CDH4: variants seen among roughly 807,000 people sequenced by gnomAD.
CDH4 encodes cadherin 4, also known as cadherin-4.
Under a neutral mutation model 86.0 loss-of-function variants are expected in CDH4, and 33 were observed. That is an observed-to-expected ratio of 0.38 (90% confidence interval 0.29 to 0.51). The LOEUF is 0.51. Ranked by LOEUF, CDH4 falls within the 20% of genes least tolerant of loss-of-function variation. The pLI is 0.86. For synonymous variants in CDH4, 555 were observed against 549.4 expected (o/e 1.01, Z -0.14); for missense variants, 1,114 against 1,307.4 (o/e 0.85, Z 2.28).
intron 3 of CDH4, among the ~76,000 whole-genome samples, chr20:61,760,803 G>C (rs541862500): frequency 6.6e-6 from 1 of 152,340 alleles, no homozygotes; most frequent in East Asian, 1.9e-4. Context: ...GGTGGTGCTC[G>C]TGGGGCAGGG....
chr20:61,475,790 T>C (rs2085532650), intron 2 of CDH4, among the ~76,000 whole-genome samples: 1 of 149,896 alleles, frequency 6.7e-6, no homozygotes, highest in South Asian at 2.2e-4. Flanking sequence ...AAAATATTCA[T>C]GTAATTGCTG....
At chr20:61,664,521 G>A (rs887439272) in intron 2 of CDH4, among the ~76,000 whole-genome samples, 35 of 152,204 alleles carry the variant, frequency 2.3e-4, no homozygotes, top group Non-Finnish European at 8.8e-5. Context: ...GCTGGGAGCC[G>A]GGCCCAGGAG....
At chr20:61,732,276 C>T (rs1273481446) in intron 2 of CDH4, among the ~76,000 whole-genome samples, 1 of 152,178 alleles carries the variant, frequency 6.6e-6, no homozygotes, top group Non-Finnish European at 1.5e-5. Flanking sequence ...TGTGATATTC[C>T]AAACCAACAC....
rs191185386 is a variant in CDH4, at chr20:61,540,711, G to A, written c.170-202852G>A. On this transcript the variant is annotated intron_variant, in intron 2 of 15. Coordinates refer to ENST00000614565, the MANE Select transcript of CDH4 (RefSeq NM_001794.5). ...TTTCTGTTTCTAAGATCTGACTTTAGGATGAAGTTTTCTAGAATCCAAGCA... is the reference window on the plus strand; with the variant it reads ...TTTCTGTTTCTAAGATCTGACTTTAAGATGAAGTTTTCTAGAATCCAAGCA... Among the ~76,000 whole-genome samples, 247 of 152,180 alleles carry A rather than the reference G, an allele frequency of 1.6e-3. 1 individual carries two copies. Among genetic ancestry groups the A allele is most frequent in the African/African-American group, 5.7e-3 (238 of 41,526 alleles).
rs942783898 is a variant in CDH4 at position 61,903,431 on chromosome 20, G to A, written c.1189-6991G>A. Among the ~76,000 whole-genome samples, 50 of 149,954 alleles carry A rather than the reference G, an allele frequency of 3.3e-4. 1 individual carries two copies. The highest frequency in any genetic ancestry group is 5.9e-5 in the Non-Finnish European group (4 of 67,818). On this transcript the variant is annotated intron_variant, in intron 8 of 15. Coordinates refer to ENST00000614565, the MANE Select transcript of CDH4 (RefSeq NM_001794.5). ...ATGATGGCGGGTGCTTGTAATCCCA[G>A]CTACTCACGAGGCTGAGGCAGAAGA...
At chr20:61,858,719 A>G (rs151232412) in intron 6 of CDH4, among the ~76,000 whole-genome samples, 75 of 152,202 alleles carry the variant, frequency 4.9e-4, no homozygotes, top group African/African-American at 1.6e-3. Context: ...CGTTCTCTGG[A>G]TGTACAGCCA....
intron 2 of CDH4, among the ~76,000 whole-genome samples, chr20:61,380,920 T>A (rs551825042): frequency 6.6e-6 from 1 of 152,346 alleles, no homozygotes; most frequent in Non-Finnish European, 1.5e-5. Flanking sequence ...GGGGAAGATG[T>A]GGGAAAATTT....
At chr20:61,732,269 GATA>G (rs1340728462) in intron 2 of CDH4, among the ~76,000 whole-genome samples, 2 of 152,200 alleles carry the variant, frequency 1.3e-5, no homozygotes, top group African/African-American at 4.8e-5. Flanking sequence ...TGAACACTGT[GATA>G]TTCCAAACCA....
At chr20:61,589,678 A>G (rs972620311) in intron 2 of CDH4, among the ~76,000 whole-genome samples, 20 of 152,262 alleles carry the variant, frequency 1.3e-4, no homozygotes, top group Non-Finnish European at 2.9e-5. Flanking sequence ...TCATATGTAT[A>G]TATGTGCCAT....
chr20:61,565,233 G>GTGGCGGTGCTCT lies in CDH4; in HGVS notation c.170-178327_170-178326insCGGTGCTCTTGG, dbSNP rs2086270711. ...GTGCTCTCGGTGGTAGGTGGTGGTG[G>GTGGCGGTGCTCT]TGGTGGTGGCGGTGCTCTTGGTGAT... On this transcript the variant is annotated intron_variant, in intron 2 of 15. Coordinates refer to ENST00000614565, the MANE Select transcript of CDH4 (RefSeq NM_001794.5). Among the ~76,000 whole-genome samples the GTGGCGGTGCTCT allele has an allele frequency of 1.1e-4, 5 of 46,760 alleles. 1 individual carries two copies. The highest frequency in any genetic ancestry group is 2.1e-4 in the Non-Finnish European group (5 of 24,296). 30.7% of individuals were successfully genotyped at this position (46,760 alleles called of 152,430 possible). A position where few individuals can be genotyped will look rare whatever the true frequency, so the allele number is the denominator to read the frequency against.
chr20:61,723,676 C>T (rs181101892), intron 2 of CDH4, among the ~76,000 whole-genome samples: 4 of 152,300 alleles, frequency 2.6e-5, no homozygotes, highest in East Asian at 1.9e-4. Flanking sequence ...CAGGGCTGTG[C>T]GGTGCAGAGA....
intron 2 of CDH4, among the ~76,000 whole-genome samples, chr20:61,297,758 C>T (rs548874939): frequency 3.3e-5 from 5 of 152,376 alleles, no homozygotes; most frequent in South Asian, 4.1e-4. Context: ...GACATTAGCG[C>T]GTGTCAGCCC....
intron 6 of CDH4, among the ~76,000 whole-genome samples, chr20:61,856,219 G>T (rs376153792): frequency 1.4e-3 from 212 of 152,348 alleles, no homozygotes; most frequent in African/African-American, 4.9e-3. Flanking sequence ...GGTAATGAAG[G>T]GTTTCAGATG....
intron 2 of CDH4, among the ~76,000 whole-genome samples, chr20:61,485,363 T>C (rs1213429860): frequency 6.6e-6 from 1 of 152,164 alleles, no homozygotes; most frequent in Non-Finnish European, 1.5e-5. Context: ...CATTCCCTAT[T>C]GTGAAAGCAT....
intron 3 of CDH4, among the ~76,000 whole-genome samples, chr20:61,762,231 C>A (rs1400088194): frequency 6.6e-6 from 1 of 152,214 alleles, no homozygotes; most frequent in Non-Finnish European, 1.5e-5. Context: ...AGTCACGAGG[C>A]ATGTTGGAAA....
Position 61,517,894 on chromosome 20 carries a change from C to T in CDH4, c.170-225669C>T, listed in dbSNP as rs919238596. Among the ~76,000 whole-genome samples the T allele has an allele frequency of 6.6e-6, 1 of 152,180 alleles. No homozygotes were observed. Among genetic ancestry groups the T allele is most frequent in the South Asian group, 2.1e-4 (1 of 4,828 alleles). On this transcript the variant is annotated intron_variant, in intron 2 of 15. Transcript: ENST00000614565. This position sits in a 1 kb window ranked among gnomAD's most constrained non-coding sequence, Gnocchi z 6.6. Reference sequence around the variant, plus strand: ...GCAGGTGCCTCACAAAACCCATATACCCCTCAGGGTCCCTCCCCCAAATGC... The same window carrying T: ...GCAGGTGCCTCACAAAACCCATATATCCCTCAGGGTCCCTCCCCCAAATGC...
At chr20:61,834,407 G>A (rs910230837) in intron 4 of CDH4, among the ~76,000 whole-genome samples, 19 of 152,290 alleles carry the variant, frequency 1.2e-4, no homozygotes, top group African/African-American at 4.6e-4. Context: ...CTCCAGCCCA[G>A]GCAGGGTCTA....
intron 2 of CDH4, among the ~76,000 whole-genome samples, chr20:61,400,327 A>G (rs1292598122): frequency 6.6e-6 from 1 of 152,166 alleles, no homozygotes; most frequent in East Asian, 1.9e-4. Context: ...AAACTGAAGT[A>G]TTCACTGGAA....
chr20:61,452,352 A>G (rs191989621), intron 2 of CDH4, among the ~76,000 whole-genome samples: 8 of 152,318 alleles, frequency 5.3e-5, no homozygotes, highest in Non-Finnish European at 1.0e-4. Flanking sequence ...TTGATAGAGA[A>G]GAAAAGCCAG....
Sources: allele counts gnomAD v4.1 joint callset (sites outside exome capture counted in the v4.1 genomes callset), GRCh38; gene constraint gnomAD v4.1.1; non-coding constraint Gnocchi (gnomAD v3.1); transcripts MANE v1.5; gene names NCBI Gene and HGNC (gene_info 2026-07-23, HGNC 2026-07-21).